Variants in EFEMP1 observed in about 807,000 individuals in gnomAD.
The protein encoded by EFEMP1 is EGF-like fibulin extracellular matrix protein 1, also known as EGF-containing fibulin-like extracellular matrix protein 1.
In EFEMP1, 18 loss-of-function variants were observed where a neutral mutation model predicts 65.7. The observed-to-expected ratio is 0.27, with a 90% CI of 0.19 to 0.41. The LOEUF is 0.41. Ranked by LOEUF, EFEMP1 falls within the 10% of genes least tolerant of loss-of-function variation. The pLI is 1.00. For missense variants in EFEMP1, 469 were observed against 624.8 expected, an observed-to-expected ratio of 0.75 and a Z score of 2.66; for synonymous variants, 237 against 219.7, an observed-to-expected ratio of 1.08 and a Z score of -0.70.
At chr2:55,891,420 A>C (rs531692273) in intron 5 of EFEMP1, among the ~76,000 whole-genome samples, 1 of 152,094 alleles carries the variant, frequency 6.6e-6, no homozygotes, top group Non-Finnish European at 1.5e-5. Flanking sequence ...TGTACAGTCA[A>C]CTTTTCTCTA....
chr2:55,915,376 A>C (rs1670640561), intron 5 of EFEMP1, among the ~76,000 whole-genome samples: 1 of 152,238 alleles, frequency 6.6e-6, no homozygotes, highest in Admixed American at 6.5e-5. Context: ...AGAAAGAACT[A>C]TAAATGTTTT....
chr2:55,906,222 CTTTTTTTTTT>C (rs577782138), intron 5 of EFEMP1, among the ~76,000 whole-genome samples: 23 of 129,790 alleles, frequency 1.8e-4, no homozygotes, highest in Non-Finnish European at 3.4e-4. Context: ...AGCCCTGCAT[CTTTTTTTTTT>C]TTTTTTTTTT....
chr2:55,908,116 A>G (rs1391050648), intron 5 of EFEMP1, among the ~76,000 whole-genome samples: 1 of 152,194 alleles, frequency 6.6e-6, no homozygotes, highest in South Asian at 2.1e-4. Flanking sequence ...ACTTTGGGAC[A>G]AGATCAGAAA....
chr2:55,909,244 A>G (rs1670392501), intron 5 of EFEMP1, among the ~76,000 whole-genome samples: 1 of 152,196 alleles, frequency 6.6e-6, no homozygotes, highest in African/African-American at 2.4e-5. Context: ...TACAAACAAC[A>G]TATACTAATT....
chr2:55,901,295 TAAAG>T (rs2104425379), intron 5 of EFEMP1, among the ~76,000 whole-genome samples: 1 of 152,354 alleles, frequency 6.6e-6, no homozygotes, highest in South Asian at 2.1e-4. Context: ...TAATCAGCAA[TAAAG>T]AGTTTTTATG....
chr2:55,902,168 GT>G, intron 5 of EFEMP1, among the ~76,000 whole-genome samples: 1 of 152,224 alleles, frequency 6.6e-6, no homozygotes, highest in East Asian at 1.9e-4. Context: ...AAGCATTGGA[GT>G]AATTTGTTAT....
At chr2:55,901,437 A>G (rs1670027894) in intron 5 of EFEMP1, among the ~76,000 whole-genome samples, 1 of 152,204 alleles carries the variant, frequency 6.6e-6, no homozygotes, top group Admixed American at 6.5e-5. Context: ...ATAGCATTTT[A>G]GAAGACTCAG....
chr2:55,904,985 CT>C (rs1168768201), intron 5 of EFEMP1, among the ~76,000 whole-genome samples: 44 of 23,184 alleles, frequency 1.9e-3, no homozygotes, highest in Middle Eastern at 0.036. Flanking sequence ...TTTTCTTTTT[CT>C]TTTTTTTTTT....
chr2:55,913,615 T>A (rs962209288), intron 5 of EFEMP1, among the ~76,000 whole-genome samples: 2 of 151,954 alleles, frequency 1.3e-5, no homozygotes, highest in African/African-American at 4.8e-5. Context: ...TTTTTTTTTT[T>A]AATACAGGAA....
intron 5 of EFEMP1, among the ~76,000 whole-genome samples, 198 bp from the exon 6 acceptor site, chr2:55,881,932 A>G (rs1669258411): frequency 6.6e-6 from 1 of 152,210 alleles, no homozygotes; most frequent in South Asian, 2.1e-4. Flanking sequence ...TACTGCTCAG[A>G]TTTAACAAAT....
chr2:55,887,693 A>G (rs867928312), intron 5 of EFEMP1, among the ~76,000 whole-genome samples: 3 of 152,176 alleles, frequency 2.0e-5, no homozygotes, highest in Non-Finnish European at 4.4e-5. Flanking sequence ...CTAGATTCTT[A>G]TCAGTTCTGG....
At chr2:55,906,056 C>A (rs905832586) in intron 5 of EFEMP1, among the ~76,000 whole-genome samples, 1 of 152,126 alleles carries the variant, frequency 6.6e-6, no homozygotes, top group African/African-American at 2.4e-5. Context: ...GTTCACTAAT[C>A]TTTCCTGTTC....
At chr2:55,880,904 G>C (rs1214097636) in intron 6 of EFEMP1, among the ~76,000 whole-genome samples, 2 of 152,240 alleles carry the variant, frequency 1.3e-5, no homozygotes, top group Non-Finnish European at 2.9e-5. Context: ...AGTGACACAA[G>C]ATGACCTGGT....
intron 9 of EFEMP1, 133 bp downstream of exon 9, chr2:55,874,812 CA>C (rs1558460635): frequency 1.3e-5 from 12 of 897,988 alleles, no homozygotes; most frequent in Admixed American, 3.1e-5. Flanking sequence ...TTATGATGAA[CA>C]GGGGAAAAAA....
chr2:55,895,323 C>T (rs1457665030), intron 5 of EFEMP1, among the ~76,000 whole-genome samples: 1 of 152,220 alleles, frequency 6.6e-6, no homozygotes, highest in Non-Finnish European at 1.5e-5. Flanking sequence ...CCTTGGGCTC[C>T]ATCTCATCAG....
At chr2:55,904,295 T>C (rs1670157175) in intron 5 of EFEMP1, among the ~76,000 whole-genome samples, 1 of 152,208 alleles carries the variant, frequency 6.6e-6, no homozygotes, top group Non-Finnish European at 1.5e-5. Flanking sequence ...ATTTTTTAAA[T>C]TGACCAATAG....
At position 55,918,265 on chromosome 2, in the gene EFEMP1, T is replaced by A. The variant is rs1306274762; in HGVS notation, c.84A>T (p.Gln28His). ...GATCCCACTCATATCCGTCAGTGCA[T>A]TGCTGTGAAGAAAACATCAAAGGTG... ...QDTEETITYTQCTDGYEWDPV... is the reference protein window; with the variant it reads ...QDTEETITYTHCTDGYEWDPV... The change falls in exon 4 of 12, where the codon CAA (glutamine) becomes CAT (histidine). Residue 28 changes from glutamine to histidine, a missense_variant and splice_region_variant. Transcript: ENST00000355426. 6.2e-7 allele frequency: 1 copy of A among 1,614,186 alleles called. No homozygotes were observed. The highest frequency in any genetic ancestry group is 8.5e-7 in the Non-Finnish European group (1 of 1,180,028).
Position 55,883,819 on chromosome 2 carries a change from CCTT to C in EFEMP1, c.518-2088_518-2086del, listed in dbSNP as rs1334567396. ...TTTAAACACAAAAACCTGTGCTACT[CCTT>C]CTTAAGAATGAGGTCTGTTTACCTT... On this transcript the variant is annotated intron_variant, in intron 5 of 11. Transcript: ENST00000355426. The surrounding 1 kb of genome is among the most constrained non-coding windows in gnomAD (Gnocchi z 4.5). Among the ~76,000 whole-genome samples the C allele has an allele frequency of 1.3e-5, 2 of 152,134 alleles. No individual in the cohort carries two copies. The highest frequency in any genetic ancestry group is 4.8e-5 in the African/African-American group (2 of 41,438).
chr2:55,922,388 T>C lies in EFEMP1; in HGVS notation c.53A>G (p.Gln18Arg). The change falls in exon 3 of 12, where the codon CAG becomes CGG. Residue 18 changes from glutamine to arginine, a missense_variant. By Grantham distance (43) the Gln-to-Arg change is conservative. Transcript: ENST00000355426. The surrounding 1 kb of genome is among the most constrained non-coding windows in gnomAD (Gnocchi z 5.5). ...TMLTLALVKS[Q>R]DTEETITYTQ... ...GTACGTGATGGTTTCTTCGGTGTCC[T>C]GTGACTTGACCAGCGCCAGAGTCAG... 1 of 1,613,934 alleles carries C rather than the reference T, an allele frequency of 6.2e-7. No individual in the cohort carries two copies. Among genetic ancestry groups the C allele is most frequent in the Non-Finnish European group, 8.5e-7 (1 of 1,179,824 alleles).
Sources: allele counts gnomAD v4.1 joint callset (sites outside exome capture counted in the v4.1 genomes callset), GRCh38; gene constraint gnomAD v4.1.1; non-coding constraint Gnocchi (gnomAD v3.1); transcripts MANE v1.5; gene names NCBI Gene and HGNC (gene_info 2026-07-23, HGNC 2026-07-21).